The following CSMD1 variants were observed in gnomAD, a reference collection of about 807,000 sequenced individuals.
The protein encoded by CSMD1 is CUB and Sushi multiple domains 1, also known as CUB and sushi domain-containing protein 1.
In CSMD1, 213 loss-of-function variants were observed where a neutral mutation model predicts 417.5. The ratio of observed to expected loss-of-function variants is 0.51; its 90% CI spans 0.46 to 0.57. CSMD1 has a LOEUF of 0.57. Ranked by LOEUF, CSMD1 falls within the 20% of genes least tolerant of loss-of-function variation. CSMD1 has a pLI of 0.00. For missense variants in CSMD1, 6,923 were observed against 4,529.7 expected (o/e 1.53, Z -15.17); for synonymous variants, 2,862 against 1,736.8 (o/e 1.65, Z -16.11).
chr8:3,367,221 G>A lies in CSMD1; in HGVS notation c.2926C>T (p.His976Tyr). The change falls in exon 20 of 70, where the codon CAT (histidine) becomes TAT (tyrosine). Residue 976 changes from histidine to tyrosine, a missense_variant. Coordinates refer to ENST00000635120, the MANE Select transcript of CSMD1 (RefSeq NM_033225.6). ...AAATAGTCGTGGGAACTCTCAAGAT[G>A]AAAGGTGTGAAAGATCATTTGAACT... ...KGVQMIFHTFHLESSHDYLLI... is the reference protein window; with the variant it reads ...KGVQMIFHTFYLESSHDYLLI... The A allele has an allele frequency of 3.7e-6, 6 of 1,612,492 alleles. No individual in the cohort carries two copies. The highest frequency in any genetic ancestry group is 5.1e-6 in the Non-Finnish European group (6 of 1,179,184).
At chr8:4,987,143 T>A (rs1235144860) in intron 1 of CSMD1, among the ~76,000 whole-genome samples, 1 of 152,150 alleles carries the variant, frequency 6.6e-6, no homozygotes, top group Non-Finnish European at 1.5e-5. Context: ...TGTATCAGAA[T>A]TACCTGGGAT....
chr8:3,739,338 G>C (rs186389654), intron 6 of CSMD1, among the ~76,000 whole-genome samples: 2 of 152,212 alleles, frequency 1.3e-5, no homozygotes, highest in Admixed American at 6.5e-5. Flanking sequence ...AGTGTTCTAT[G>C]GCACCACAGT....
At chr8:4,153,837 C>T (rs955369737) in intron 3 of CSMD1, among the ~76,000 whole-genome samples, 2 of 152,212 alleles carry the variant, frequency 1.3e-5, no homozygotes, top group African/African-American at 2.4e-5. Context: ...ACGTCACATG[C>T]AAGTGGTGAC....
rs566036407 is a variant in CSMD1 at position 3,594,068 on chromosome 8, A to G, written c.1098-7808T>C. Among the ~76,000 whole-genome samples, 39 of 152,320 alleles carry G rather than the reference A, an allele frequency of 2.6e-4. No individual in the cohort carries two copies. In the East Asian group the frequency reaches 6.9e-3, roughly 27 times the overall value. Reference sequence around the variant, plus strand: ...AGGAATGAGAGAGGAAAAACCAACCAGAACACCTCCAATATCTAATATTCT... The same window carrying G: ...AGGAATGAGAGAGGAAAAACCAACCGGAACACCTCCAATATCTAATATTCT... On this transcript the variant is annotated intron_variant, in intron 8 of 69. Transcript: ENST00000635120.
At chr8:3,484,767 A>G (rs374698398) in intron 11 of CSMD1, among the ~76,000 whole-genome samples, 19 of 152,356 alleles carry the variant, frequency 1.2e-4, no homozygotes, top group East Asian at 5.8e-4. Context: ...AAAATGGGAA[A>G]AAGACTTAGA....
intron 3 of CSMD1, among the ~76,000 whole-genome samples, chr8:4,208,954 C>T (rs185024889): frequency 9.9e-5 from 15 of 152,272 alleles, no homozygotes; most frequent in South Asian, 2.1e-4. Context: ...CTTTGCAGTA[C>T]GCAATTTAGA....
intron 3 of CSMD1, among the ~76,000 whole-genome samples, chr8:4,319,109 G>T (rs537363669): frequency 6.6e-6 from 1 of 152,088 alleles, no homozygotes; most frequent in Non-Finnish European, 1.5e-5. Context: ...TAGTAACAAA[G>T]TAAGGAGGAT....
intron 5 of CSMD1, among the ~76,000 whole-genome samples, chr8:3,797,640 C>A (rs953236371): frequency 7.2e-5 from 11 of 151,910 alleles, no homozygotes; most frequent in Admixed American, 2.0e-4. Context: ...TTCTTTTATA[C>A]AAATATGTTA....
intron 5 of CSMD1, among the ~76,000 whole-genome samples, chr8:3,961,128 T>C (rs879396653): frequency 6.6e-6 from 1 of 152,178 alleles, no homozygotes; most frequent in African/African-American, 2.4e-5. Context: ...AAAAATTGCA[T>C]CTCTTCTTGC....
At chr8:3,131,923 A>G (rs989072441) in intron 41 of CSMD1, among the ~76,000 whole-genome samples, 4 of 152,246 alleles carry the variant, frequency 2.6e-5, no homozygotes, top group Non-Finnish European at 5.9e-5. Context: ...TCAAGGCCCC[A>G]GAACTATTGG....
At chr8:4,585,799 T>C (rs1189834441) in intron 2 of CSMD1, among the ~76,000 whole-genome samples, 9 of 152,174 alleles carry the variant, frequency 5.9e-5, no homozygotes, top group Admixed American at 5.2e-4. Flanking sequence ...TTAAGTTAAA[T>C]TAAATCTGAG....
At chr8:4,260,626 A>G (rs550324181) in intron 3 of CSMD1, among the ~76,000 whole-genome samples, 50 of 152,292 alleles carry the variant, frequency 3.3e-4, no homozygotes, top group Non-Finnish European at 5.4e-4. Context: ...GAATTTTGAT[A>G]TTATTCATAA....
At chr8:3,807,889 C>T (rs1800835487) in intron 5 of CSMD1, among the ~76,000 whole-genome samples, 1 of 152,100 alleles carries the variant, frequency 6.6e-6, no homozygotes, top group Non-Finnish European at 1.5e-5. Context: ...AAGCAATCCC[C>T]TTCTTGCCAA....
At chr8:3,430,155 A>G (rs1273924841) in intron 12 of CSMD1, among the ~76,000 whole-genome samples, 1 of 152,182 alleles carries the variant, frequency 6.6e-6, no homozygotes, top group East Asian at 1.9e-4. Context: ...ATGAATATAC[A>G]CACAACTATA....
At position 4,380,568 on chromosome 8, in the gene CSMD1, C is replaced by G. The variant is rs74334046; in HGVS notation, c.415+39385G>C. On this transcript the variant is annotated intron_variant, in intron 3 of 69. Coordinates refer to ENST00000635120, the MANE Select transcript of CSMD1 (RefSeq NM_033225.6). ...ATGCCACATGAGGTTTGGGATGGGA[C>G]CCGTGGATGGAATGAGAACATTAGG... 4.9e-3 allele frequency among the ~76,000 whole-genome samples: 743 copies of G among 152,234 alleles called. 48 individuals carry two copies. In the East Asian group the frequency reaches 0.13, roughly 26 times the overall value.
chr8:4,816,708 G>T (rs1313526223), intron 1 of CSMD1, among the ~76,000 whole-genome samples: 2 of 152,150 alleles, frequency 1.3e-5, no homozygotes, highest in Admixed American at 6.5e-5. Context: ...ACAAAGAAGT[G>T]ATTTCCAGAT....
At chr8:4,974,100 A>G (rs574737238) in intron 1 of CSMD1, among the ~76,000 whole-genome samples, 156 of 152,248 alleles carry the variant, frequency 1.0e-3, no homozygotes, top group Non-Finnish European at 1.6e-3. Context: ...GGCTCACTGC[A>G]ATCTCCGCCT....
chr8:3,709,936 G>A (rs1048571597), intron 6 of CSMD1, among the ~76,000 whole-genome samples: 3 of 150,892 alleles, frequency 2.0e-5, no homozygotes, highest in African/African-American at 7.3e-5. Flanking sequence ...GCATACAAGG[G>A]GTTGGGGCAC....
intron 3 of CSMD1, among the ~76,000 whole-genome samples, chr8:4,221,907 A>C (rs1221611908): frequency 6.6e-6 from 1 of 152,176 alleles, no homozygotes; most frequent in Non-Finnish European, 1.5e-5. Context: ...AGACCAGAGA[A>C]AATGCCTAGA....
Sources: gnomAD v4.1 joint callset for allele counts (sites outside exome capture counted in the v4.1 genomes callset) on GRCh38, gnomAD v4.1.1 for gene constraint, MANE v1.5 for transcripts, NCBI Gene and HGNC (gene_info 2026-07-23, HGNC 2026-07-21) for gene names.